NBEA: variants seen among roughly 807,000 people sequenced by gnomAD.
NBEA encodes lysosomal-trafficking regulator 2.
Under a neutral mutation model 343.4 loss-of-function variants are expected in NBEA, and 44 were observed. That is an observed-to-expected ratio of 0.13 (90% confidence interval 0.10 to 0.16). The LOEUF (loss-of-function observed/expected upper bound fraction) is 0.16, where lower values mean the gene tolerates loss of function less well. Among genes scored for constraint, NBEA ranks in the 10% least tolerant of loss-of-function variants. The pLI is 1.00. For missense variants in NBEA, 2,555 were observed against 3,631.3 expected (o/e 0.70, Z 7.62); for synonymous variants, 1,175 against 1,238.7 (o/e 0.95, Z 1.08).
intron 34 of NBEA, among the ~76,000 whole-genome samples, chr13:35,249,360 A>G (rs952206398): frequency 1.3e-5 from 2 of 152,176 alleles, no homozygotes; most frequent in African/African-American, 2.4e-5. Context: ...AATATTGCAC[A>G]TTATATATCT....
intron 10 of NBEA, among the ~76,000 whole-genome samples, chr13:35,074,049 A>T (rs2063999245): frequency 6.6e-6 from 1 of 152,192 alleles, no homozygotes; most frequent in Non-Finnish European, 1.5e-5. Flanking sequence ...TATGAAGGCC[A>T]CTTATAGTTG....
chr13:35,248,127 C>T (rs529801518), intron 34 of NBEA, among the ~76,000 whole-genome samples: 1 of 152,138 alleles, frequency 6.6e-6, no homozygotes, highest in Admixed American at 6.5e-5. Flanking sequence ...TCAGCATTGC[C>T]CTGATATTGA....
At chr13:35,117,947 A>G (rs1440196716) in intron 14 of NBEA, among the ~76,000 whole-genome samples, 2 of 152,026 alleles carry the variant, frequency 1.3e-5, no homozygotes, top group Admixed American at 1.3e-4. Flanking sequence ...AAGTGATTAG[A>G]AAATAGTCAT....
intron 8 of NBEA, among the ~76,000 whole-genome samples, chr13:35,069,466 A>G (rs2063781745): frequency 1.3e-5 from 2 of 152,252 alleles, no homozygotes; most frequent in African/African-American, 4.8e-5. Flanking sequence ...AAAGATGTGA[A>G]TATTTTTACA....
Position 35,499,436 on chromosome 13 carries a change from T to C in NBEA, c.6585+26900T>C, listed in dbSNP as rs2076804468. Among the ~76,000 whole-genome samples, 5 of 152,234 alleles carry C rather than the reference T, an allele frequency of 3.3e-5. No individual in the cohort carries two copies. In the South Asian group the frequency reaches 1.0e-3, roughly 32 times the overall value. ...GAGTCCGTGTTGATGCCTGCCTCTC[T>C]TCTCCAAAGCTCTCTTGATCATGTT... On this transcript the variant is annotated intron_variant, in intron 41 of 58. Transcript: ENST00000379939.
intron 10 of NBEA, among the ~76,000 whole-genome samples, chr13:35,088,812 G>A (rs1473208432): frequency 6.7e-6 from 1 of 148,584 alleles, no homozygotes; most frequent in African/African-American, 2.5e-5. Flanking sequence ...ATGGGGAAAG[G>A]ATTCCCTATT....
intron 7 of NBEA, among the ~76,000 whole-genome samples, chr13:35,057,822 T>C (rs188081248): frequency 7.2e-5 from 11 of 152,288 alleles, no homozygotes; most frequent in Admixed American, 6.5e-4. Context: ...TTATAACACA[T>C]ATATACATTC....
chr13:35,029,406 C>T (rs2062126528), intron 1 of NBEA, among the ~76,000 whole-genome samples: 1 of 151,194 alleles, frequency 6.6e-6, no homozygotes, highest in Non-Finnish European at 1.5e-5. Context: ...GAGAGGGAAC[C>T]CTGTATCATG....
intron 33 of NBEA, among the ~76,000 whole-genome samples, chr13:35,220,995 A>G (rs1182721980): frequency 2.0e-5 from 3 of 151,990 alleles, no homozygotes; most frequent in Non-Finnish European, 4.4e-5. Flanking sequence ...CAGTCTTCTC[A>G]GTTCTTAATT....
chr13:35,085,085 T>G (rs1429538556), intron 10 of NBEA, among the ~76,000 whole-genome samples: 1 of 152,130 alleles, frequency 6.6e-6, no homozygotes, highest in East Asian at 1.9e-4. Context: ...ATTGAGGCAA[T>G]AATTAATAGC....
At chr13:35,163,587 C>G (rs965750994) in intron 23 of NBEA, among the ~76,000 whole-genome samples, 2 of 150,114 alleles carry the variant, frequency 1.3e-5, no homozygotes, top group Non-Finnish European at 2.9e-5. Flanking sequence ...CCACTACACT[C>G]TAGCCTGGGT....
intron 6 of NBEA, among the ~76,000 whole-genome samples, chr13:35,054,216 T>G (rs1189367950): frequency 6.6e-6 from 1 of 152,142 alleles, no homozygotes; most frequent in Non-Finnish European, 1.5e-5. Context: ...GTTTGTGTCT[T>G]CTGTGTTATT....
chr13:35,405,454 A>T (rs552876286), intron 38 of NBEA, among the ~76,000 whole-genome samples: 4 of 152,258 alleles, frequency 2.6e-5, no homozygotes, highest in Admixed American at 2.6e-4. Context: ...AGTTTTACAA[A>T]ATCGATTTAA....
chr13:35,074,163 A>T (rs2064004698), intron 10 of NBEA, among the ~76,000 whole-genome samples: 1 of 152,116 alleles, frequency 6.6e-6, no homozygotes, highest in African/African-American at 2.4e-5. Context: ...TTTGAGCATA[A>T]CTCAAACTCT....
intron 38 of NBEA, among the ~76,000 whole-genome samples, chr13:35,397,518 C>CT (rs1398100235): frequency 2.0e-5 from 3 of 152,002 alleles, no homozygotes; most frequent in Non-Finnish European, 2.9e-5. Flanking sequence ...AGGGCAGAGA[C>CT]TTTTTTTTAC....
chr13:35,356,037 CA>C lies in NBEA; in HGVS notation c.6179+3715del, dbSNP rs550594251. 5.7e-3 allele frequency among the ~76,000 whole-genome samples: 861 copies of C among 152,034 alleles called. 10 individuals are homozygous for C. Among genetic ancestry groups the C allele is most frequent in the African/African-American group, 0.02 (820 of 41,474 alleles). ...GCTCTTTTATCCATAATTGTATCCC[CA>C]GCACCTAGAATAAGCCCTGATGCAT... On this transcript the variant is annotated intron_variant, in intron 38 of 58. Coordinates refer to ENST00000379939, the MANE Select transcript of NBEA (RefSeq NM_001385012.1).
At chr13:35,440,025 A>G (rs1032104899) in intron 39 of NBEA, among the ~76,000 whole-genome samples, 1 of 152,144 alleles carries the variant, frequency 6.6e-6, no homozygotes, top group Non-Finnish European at 1.5e-5. Flanking sequence ...GATTACAGGC[A>G]TGCGCCACCA....
chr13:35,609,343 G>C (rs1686510434), intron 48 of NBEA, among the ~76,000 whole-genome samples: 2 of 152,286 alleles, frequency 1.3e-5, no homozygotes, highest in South Asian at 4.1e-4. Flanking sequence ...ATTTTCAGTG[G>C]TACCCATTCC....
At chr13:35,643,892 A>G (rs933744745) in intron 49 of NBEA, among the ~76,000 whole-genome samples, 9 of 152,206 alleles carry the variant, frequency 5.9e-5, no homozygotes, top group Admixed American at 5.9e-4. Context: ...ACTTGACAAG[A>G]AAGTCATTGA....
Sources: gnomAD v4.1 joint callset for allele counts (sites outside exome capture counted in the v4.1 genomes callset) on GRCh38, gnomAD v4.1.1 for gene constraint, MANE v1.5 for transcripts, NCBI Gene and HGNC (gene_info 2026-07-23, HGNC 2026-07-21) for gene names.